The following CCDC171 variants were observed in gnomAD, a reference collection of about 807,000 sequenced individuals.
The protein encoded by CCDC171 is coiled-coil domain containing 171, also known as coiled-coil domain-containing protein 171.
In CCDC171, 177 loss-of-function variants were observed where a neutral mutation model predicts 168.2. The observed-to-expected ratio is 1.05, with a 90% CI of 0.93 to 1.19. CCDC171 has a LOEUF of 1.19. CCDC171 is among the 50% of genes most tolerant of loss of function. The pLI is 0.00. For missense variants in CCDC171, 1,991 were observed against 1,539.0 expected (o/e 1.29, Z -4.91); for synonymous variants, 687 against 540.8 (o/e 1.27, Z -3.75).
At chr9:15,952,718 G>T (rs751254102) in intron 25 of CCDC171, among the ~76,000 whole-genome samples, 2 of 152,080 alleles carry the variant, frequency 1.3e-5, no homozygotes, top group Non-Finnish European at 2.9e-5. Context: ...TTTCTGCAAA[G>T]AATTTCATTG....
At chr9:15,720,895 G>A (rs2053436032) in intron 11 of CCDC171, among the ~76,000 whole-genome samples, 1 of 152,118 alleles carries the variant, frequency 6.6e-6, no homozygotes, top group Non-Finnish European at 1.5e-5. Flanking sequence ...TGTGTCAAGT[G>A]TTCTCATTGT....
intron 23 of CCDC171, among the ~76,000 whole-genome samples, chr9:15,866,050 A>T (rs868290260): frequency 6.6e-6 from 1 of 152,032 alleles, no homozygotes; most frequent in Non-Finnish European, 1.5e-5. Context: ...TCATGGAAGC[A>T]TGAATGACTA....
chr9:15,737,659 A>C (rs13290192), intron 16 of CCDC171, among the ~76,000 whole-genome samples: 2 of 152,232 alleles, frequency 1.3e-5, no homozygotes, highest in Non-Finnish European at 2.9e-5. Context: ...TATAATTTAC[A>C]GTGCTTTAGA....
intron 3 of CCDC171, among the ~76,000 whole-genome samples, chr9:15,998,388 C>T (rs1183940020): frequency 2.6e-5 from 4 of 152,156 alleles, no homozygotes; most frequent in African/African-American, 9.7e-5. Flanking sequence ...CTCTCCTTCA[C>T]TGGGAAGTGG....
At chr9:15,601,897 A>T (rs182555675) in intron 6 of CCDC171, among the ~76,000 whole-genome samples, 113 of 152,334 alleles carry the variant, frequency 7.4e-4, no homozygotes, top group Non-Finnish European at 5.0e-4. Context: ...TATGTGGATG[A>T]TGTGATTTTG....
In CCDC171 at chr9:15,649,498, A is replaced by G. The variant is rs11999384; in HGVS notation, c.823-7629A>G. On this transcript the variant is annotated intron_variant, in intron 7 of 25. Coordinates refer to ENST00000380701, the MANE Select transcript of CCDC171 (RefSeq NM_173550.4). ...GGGAGAAAATTTTTGGAATCTACTC[A>G]TCTGACAAAGGGCTAATATCCAGAA... Among the ~76,000 whole-genome samples, 4 of 151,926 alleles carry G rather than the reference A, an allele frequency of 2.6e-5. No homozygotes were observed. In the South Asian group the frequency reaches 8.3e-4, roughly 32 times the overall value.
At chr9:15,906,848 C>A (rs1292456072) in intron 24 of CCDC171, among the ~76,000 whole-genome samples, 1 of 152,098 alleles carries the variant, frequency 6.6e-6, no homozygotes, top group Admixed American at 6.5e-5. Context: ...AATCAATGTG[C>A]AAAAATCACA....
At position 15,810,570 on chromosome 9, in the gene CCDC171, G is replaced by A. The variant is rs1038100895; in HGVS notation, c.3267+25876G>A. 2.6e-5 allele frequency among the ~76,000 whole-genome samples: 4 copies of A among 152,182 alleles called. No homozygotes were observed. In the East Asian group the frequency reaches 7.7e-4, roughly 29 times the overall value. ...CCTGTGAGGAGGCGGCTGAGGCCCG[G>A]CGACAATTTGAGCACGGTGCGGGCG... On this transcript the variant is annotated intron_variant, in intron 21 of 25. Coordinates refer to ENST00000380701, the MANE Select transcript of CCDC171 (RefSeq NM_173550.4).
chr9:16,044,705 A>G (rs895871451), intron 1 of CCDC171, among the ~76,000 whole-genome samples: 1 of 152,154 alleles, frequency 6.6e-6, no homozygotes, highest in Non-Finnish European at 1.5e-5. Context: ...GGAAGTGCAC[A>G]GGGAGGAGGA....
chr9:15,950,591 C>T (rs1313335971), intron 25 of CCDC171, among the ~76,000 whole-genome samples: 1 of 151,848 alleles, frequency 6.6e-6, no homozygotes, highest in Non-Finnish European at 1.5e-5. Flanking sequence ...TTTGTCACCA[C>T]CAGACCTGCC....
At chr9:15,619,900 G>A (rs2044373752) in intron 6 of CCDC171, among the ~76,000 whole-genome samples, 1 of 152,030 alleles carries the variant, frequency 6.6e-6, no homozygotes, top group South Asian at 2.1e-4. Flanking sequence ...AAATCCTAGG[G>A]CCCTTAAGAA....
At chr9:15,781,450 C>T (rs2057661999) in intron 20 of CCDC171, among the ~76,000 whole-genome samples, 1 of 152,166 alleles carries the variant, frequency 6.6e-6, no homozygotes, top group Admixed American at 6.5e-5. Context: ...TGGAGTCTCG[C>T]TCTGTCACCC....
Position 15,721,793 on chromosome 9 carries a change from C to CTCTTTG in CCDC171, c.1345_1346insTTTGTC (p.Pro448_Pro449insLeuCys). On this transcript the variant is annotated inframe_insertion, in exon 12 of 26. Coordinates refer to ENST00000380701, the MANE Select transcript of CCDC171 (RefSeq NM_173550.4). ...GGCATCCACAAGGACAAAGATAAAC[C>CTCTTTG]TCCCAGCTTCTCTGTTGTCCTTGAG... 12 of 1,560,138 alleles carry CTCTTTG rather than the reference C, an allele frequency of 7.7e-6. No individual in the cohort carries two copies. The highest frequency in any genetic ancestry group is 1.0e-5 in the Non-Finnish European group (12 of 1,152,736).
chr9:15,909,036 A>G (rs1157649527), intron 24 of CCDC171, among the ~76,000 whole-genome samples: 1 of 152,214 alleles, frequency 6.6e-6, no homozygotes, highest in Admixed American at 6.5e-5. Context: ...GGTGATGGGC[A>G]TGGGGAATCA....
At chr9:15,556,869 T>G (rs1563932685) in intron 1 of CCDC171, among the ~76,000 whole-genome samples, 1 of 152,166 alleles carries the variant, frequency 6.6e-6, no homozygotes, top group Non-Finnish European at 1.5e-5. Flanking sequence ...TTTTTATGGT[T>G]TTAGGTCTAA....
intron 6 of CCDC171, among the ~76,000 whole-genome samples, chr9:15,606,923 A>G (rs2043271820): frequency 6.6e-6 from 1 of 152,222 alleles, no homozygotes; most frequent in African/African-American, 2.4e-5. Flanking sequence ...GACACACATA[A>G]TAAAGATGCA....
chr9:15,575,589 T>G (rs1040031442), intron 3 of CCDC171, among the ~76,000 whole-genome samples: 3 of 152,192 alleles, frequency 2.0e-5, no homozygotes, highest in African/African-American at 7.2e-5. Context: ...ATTCTTAAGC[T>G]GGAGTCCTCA....
intron 7 of CCDC171, among the ~76,000 whole-genome samples, chr9:15,642,890 A>G (rs1208628996): frequency 2.6e-5 from 4 of 152,152 alleles, no homozygotes. Context: ...TATATATACA[A>G]GAAGTGAAAA....
chr9:15,675,892 G>A (rs143652943), intron 9 of CCDC171, among the ~76,000 whole-genome samples: 3 of 152,242 alleles, frequency 2.0e-5, no homozygotes, highest in African/African-American at 7.2e-5. Context: ...GGTGTTCTCT[G>A]TATTTCCTGA....
Sources: gnomAD v4.1 joint callset for allele counts (sites outside exome capture counted in the v4.1 genomes callset) on GRCh38, gnomAD v4.1.1 for gene constraint, MANE v1.5 for transcripts, NCBI Gene and HGNC (gene_info 2026-07-23, HGNC 2026-07-21) for gene names.